Variants in ADAMTS2 observed in about 807,000 individuals in gnomAD.
ADAMTS2 encodes the protein ADAM metallopeptidase with thrombospondin type 1 motif 2.
In ADAMTS2, 50 loss-of-function variants were observed where a neutral mutation model predicts 123.0. The observed-to-expected ratio is 0.41, with a 90% CI of 0.32 to 0.51. The LOEUF (loss-of-function observed/expected upper bound fraction) is 0.51. ADAMTS2 is among the 20% of genes least tolerant of loss of function. ADAMTS2 has a pLI of 0.35. For missense variants in ADAMTS2, 1,494 were observed against 1,705.2 expected, an observed-to-expected ratio of 0.88 and a Z score of 2.18; for synonymous variants, 678 against 695.4, an observed-to-expected ratio of 0.98 and a Z score of 0.39.
chr5:179,119,763 A>C (rs1456262426), intron 21 of ADAMTS2, among the ~76,000 whole-genome samples: 2 of 152,200 alleles, frequency 1.3e-5, no homozygotes, highest in African/African-American at 4.8e-5. Context: ...GGCTCACGGC[A>C]GGTGACCTGG....
chr5:179,290,109 T>G (rs987198467), intron 2 of ADAMTS2, among the ~76,000 whole-genome samples: 3 of 152,228 alleles, frequency 2.0e-5, no homozygotes, highest in East Asian at 1.9e-4. Flanking sequence ...TGACATTTGG[T>G]CCCCAGTGTG....
chr5:179,169,027 T>C lies in ADAMTS2; in HGVS notation c.976-10148A>G, dbSNP rs562409036. On this transcript the variant is annotated intron_variant, in intron 5 of 21. Coordinates refer to ENST00000251582, the MANE Select transcript of ADAMTS2 (RefSeq NM_014244.5). ...TTCTCAACTTGAGCCTTCCCAGGCATGAGCCAGTGCAGGCCTGTGGGGAGG... is the reference window on the plus strand; with the variant it reads ...TTCTCAACTTGAGCCTTCCCAGGCACGAGCCAGTGCAGGCCTGTGGGGAGG... 7.9e-5 allele frequency among the ~76,000 whole-genome samples: 12 copies of C among 152,346 alleles called. No individual in the cohort carries two copies. In the South Asian group the frequency reaches 2.5e-3, roughly 32 times the overall value.
chr5:179,154,728 C>G (rs1763435145), intron 7 of ADAMTS2, 86 bp downstream of exon 7: 1 of 1,166,616 alleles, frequency 8.6e-7, no homozygotes, highest in South Asian at 1.3e-5. Flanking sequence ...GCGTGTCCCT[C>G]TTAAGGCACA....
Position 179,202,671 on chromosome 5 carries a change from C to T in ADAMTS2, c.891+4842G>A, listed in dbSNP as rs1245707767. 2.6e-5 allele frequency among the ~76,000 whole-genome samples: 4 copies of T among 152,000 alleles called. No individual in the cohort carries two copies. The highest frequency in any genetic ancestry group is 4.4e-5 in the Non-Finnish European group (3 of 67,942). On this transcript the variant is annotated intron_variant, in intron 4 of 21. Transcript: ENST00000251582. The surrounding 1 kb of genome is among the most constrained non-coding windows in gnomAD (Gnocchi z 4.0). ...ACCAGACAGAGGAGGATGGCTATGCCGAGAATCCACCCCATCTCAGCAGCT... is the reference window on the plus strand; with the variant it reads ...ACCAGACAGAGGAGGATGGCTATGCTGAGAATCCACCCCATCTCAGCAGCT...
rs1445320781 is a variant in ADAMTS2, at chr5:179,284,188, G to A, written c.535-11124C>T. On this transcript the variant is annotated intron_variant, in intron 2 of 21. Coordinates refer to ENST00000251582, the MANE Select transcript of ADAMTS2 (RefSeq NM_014244.5). ...TACTAAAAACACAAAAATTAGCCGG[G>A]CTTGGTGGTACGCGCCTGTGGTCCC... Among the ~76,000 whole-genome samples the A allele has an allele frequency of 1.1e-4, 17 of 150,364 alleles. 1 individual carries two copies. The highest frequency in any genetic ancestry group is 2.1e-4 in the Non-Finnish European group (14 of 67,608).
At chr5:179,261,903 G>A (rs2113490123) in intron 3 of ADAMTS2, among the ~76,000 whole-genome samples, 1 of 152,298 alleles carries the variant, frequency 6.6e-6, no homozygotes, top group Middle Eastern at 3.4e-3. Context: ...ACCTCACACT[G>A]TCCCTGACAG....
intron 2 of ADAMTS2, among the ~76,000 whole-genome samples, chr5:179,284,222 G>A (rs1755934043): frequency 6.7e-6 from 1 of 149,606 alleles, no homozygotes; most frequent in Admixed American, 6.6e-5. Context: ...CCAGCTGCTT[G>A]GGAGGCTGAG....
intron 19 of ADAMTS2, among the ~76,000 whole-genome samples, chr5:179,124,686 G>C (rs1348213820): frequency 6.6e-6 from 1 of 152,384 alleles, no homozygotes; most frequent in East Asian, 1.9e-4. Flanking sequence ...CGGGCCGAAA[G>C]GGGAATGCTC....
In ADAMTS2 at chr5:179,170,694, C is replaced by G. The variant is rs1763799841; in HGVS notation, c.975+10378G>C. 6.6e-6 allele frequency among the ~76,000 whole-genome samples: 1 copy of G among 152,190 alleles called. No individual in the cohort carries two copies. Among genetic ancestry groups the G allele is most frequent in the Non-Finnish European group, 1.5e-5 (1 of 68,032 alleles). On this transcript the variant is annotated intron_variant, in intron 5 of 21. Coordinates refer to ENST00000251582, the MANE Select transcript of ADAMTS2 (RefSeq NM_014244.5). This position sits in a 1 kb window ranked among gnomAD's most constrained non-coding sequence, Gnocchi z 4.3. The stretch of plus-strand genomic sequence containing the variant: ...ATCCTGGCTGCTCCATCCATGGTCC[C>G]CTATTGCCTGCCACCCTGCTGTATT...
chr5:179,178,267 CG>C (rs11308223), intron 5 of ADAMTS2, among the ~76,000 whole-genome samples: 90,016 of 151,560 alleles, frequency 0.59, 27,063 homozygotes, highest in East Asian at 0.76. Flanking sequence ...AGATCCCCCC[CG>C]CACCTCCCCG....
Position 179,317,489 on chromosome 5 carries a change from C to T in ADAMTS2, c.534+26278G>A, listed in dbSNP as rs938799747. 1.3e-5 allele frequency among the ~76,000 whole-genome samples: 2 copies of T among 152,062 alleles called. No individual in the cohort carries two copies. The highest frequency in any genetic ancestry group is 2.4e-5 in the African/African-American group (1 of 41,388). On this transcript the variant is annotated intron_variant, in intron 2 of 21. Transcript: ENST00000251582. The surrounding 1 kb of genome is among the most constrained non-coding windows in gnomAD (Gnocchi z 4.9). ...TGCGAGCAGGTGGGCGGAGGGTGCACTCATGAGACTTCTATAAGCACGGAC... is the reference window on the plus strand; with the variant it reads ...TGCGAGCAGGTGGGCGGAGGGTGCATTCATGAGACTTCTATAAGCACGGAC...
rs1764220720 is a variant in ADAMTS2 at position 179,188,291 on chromosome 5, G to C, written c.892-7136C>G. ...GGGGAGGGGGGCCTGCTGCTCTGTG[G>C]CTTCTCTGGGACCCCCTGAAATAAG... On this transcript the variant is annotated intron_variant, in intron 4 of 21. Transcript: ENST00000251582. This position sits in a 1 kb window ranked among gnomAD's most constrained non-coding sequence, Gnocchi z 5.1. Among the ~76,000 whole-genome samples, 1 of 152,210 alleles carries C rather than the reference G, an allele frequency of 6.6e-6. No homozygotes were observed. The highest frequency in any genetic ancestry group is 2.1e-4 in the South Asian group (1 of 4,826).
rs149763475 is a variant in ADAMTS2 at position 179,154,101 on chromosome 5, G to A, written c.1330C>T (p.His444Tyr). The A allele has an allele frequency of 1.2e-6, 2 of 1,602,350 alleles. No homozygotes were observed. Among genetic ancestry groups the A allele is most frequent in the African/African-American group, 1.3e-5 (1 of 74,994 alleles). ...CTGCAGCGGGACCAGTGGAAGCGGT[G>A]GAAGGCGGCCTGCACCAGGGGCGCC... ...IMAPLVQAAFHRFHWSRCSQQ... is the reference protein window; with the variant it reads ...IMAPLVQAAFYRFHWSRCSQQ... The change falls in exon 8 of 22, where the codon CAC becomes TAC. Residue 444 changes from histidine (H) to tyrosine (Y), a missense_variant. His to Tyr is a moderately conservative substitution (Grantham distance 83). Around this residue, in one of 6 missense-constraint regions of ADAMTS2, gnomAD observed 953 missense variants for 1,124.7 expected, o/e 0.85. Coordinates refer to ENST00000251582, the MANE Select transcript of ADAMTS2 (RefSeq NM_014244.5).
rs116603315 is a variant in ADAMTS2, at chr5:179,118,330, A to G, written c.3178+3331T>C. Among the ~76,000 whole-genome samples the G allele has an allele frequency of 8.3e-3, 1,259 of 152,176 alleles. 14 individuals are homozygous for G. The highest frequency in any genetic ancestry group is 0.029 in the African/African-American group (1,202 of 41,520). On this transcript the variant is annotated intron_variant, in intron 21 of 21. Coordinates refer to ENST00000251582, the MANE Select transcript of ADAMTS2 (RefSeq NM_014244.5). The surrounding 1 kb of genome is among the most constrained non-coding windows in gnomAD (Gnocchi z 4.5). ...CACGGACCACAGAGAAGAGTGATGC[A>G]CCTGAGGTAATGACTGGCGATGCCT...
chr5:179,205,535 C>T (rs56254029), intron 4 of ADAMTS2, among the ~76,000 whole-genome samples: 3 of 152,294 alleles, frequency 2.0e-5, no homozygotes, highest in Admixed American at 6.5e-5. Flanking sequence ...GAGTCGCCAT[C>T]GGACTGTAAT....
intron 9 of ADAMTS2, among the ~76,000 whole-genome samples, chr5:179,152,660 G>A (rs532255506): frequency 4.2e-4 from 64 of 152,182 alleles, no homozygotes; most frequent in Non-Finnish European, 6.8e-4. Context: ...GGACTTCACA[G>A]TCCTGTTCCC....
intron 19 of ADAMTS2, among the ~76,000 whole-genome samples, chr5:179,123,732 G>A (rs976792606): frequency 3.3e-5 from 5 of 152,222 alleles, no homozygotes; most frequent in South Asian, 2.1e-4. Flanking sequence ...CCCGGCCAAC[G>A]CCTGTTTTCA....
intron 20 of ADAMTS2, 56 bp downstream of exon 20, chr5:179,122,588 C>G: frequency 1.3e-6 from 2 of 1,541,056 alleles, no homozygotes. Flanking sequence ...CCTCTGACAC[C>G]CCCGCCCTGG....
intron 2 of ADAMTS2, among the ~76,000 whole-genome samples, chr5:179,279,336 A>G (rs1443480452): frequency 6.7e-6 from 1 of 148,538 alleles, no homozygotes; most frequent in Non-Finnish European, 1.5e-5. Flanking sequence ...TCCCTCCGAA[A>G]TACACACACA....
Sources: allele counts gnomAD v4.1 joint callset (sites outside exome capture counted in the v4.1 genomes callset), GRCh38; gene constraint gnomAD v4.1.1; regional missense constraint gnomAD v4.1.1; non-coding constraint Gnocchi (gnomAD v3.1); transcripts MANE v1.5; gene names NCBI Gene and HGNC (gene_info 2026-07-23, HGNC 2026-07-21).